The following SEPTIN9 variants were observed in gnomAD, a reference collection of about 807,000 sequenced individuals.
SEPTIN9 encodes the protein septin 9.
SEPTIN9 carries 13 observed loss-of-function variants against 56.6 expected under a neutral mutation model. That is an observed-to-expected ratio of 0.23 (90% CI 0.15 to 0.37). SEPTIN9 has a LOEUF of 0.37. Among genes scored for constraint, SEPTIN9 ranks in the 10% least tolerant of loss-of-function variants. SEPTIN9 has a pLI of 1.00. For synonymous variants in SEPTIN9, 332 were observed against 334.1 expected (o/e 0.99, Z 0.07); for missense variants, 650 against 823.1 (o/e 0.79, Z 2.57).
intron 11 of SEPTIN9, 87 bp from the exon 12 acceptor site, chr17:77,498,436 C>A: frequency 2.6e-6 from 2 of 782,110 alleles, no homozygotes; most frequent in Non-Finnish European, 4.2e-6. Flanking sequence ...GGGCCTGAGT[C>A]CGAGGCAGGC....
chr17:77,462,528 C>T (rs1368402842), intron 3 of SEPTIN9, among the ~76,000 whole-genome samples: 18 of 152,270 alleles, frequency 1.2e-4, no homozygotes, highest in Admixed American at 2.6e-4. Context: ...GAGCAATCCT[C>T]CTGCCTTGGC....
intron 2 of SEPTIN9, among the ~76,000 whole-genome samples, chr17:77,316,395 G>A (rs539905807): frequency 9.8e-5 from 15 of 152,334 alleles, no homozygotes; most frequent in African/African-American, 3.4e-4. Flanking sequence ...GGGCCAAAAT[G>A]TTTGGATTTT....
intron 3 of SEPTIN9, among the ~76,000 whole-genome samples, chr17:77,477,438 T>C (rs1473388023): frequency 6.6e-6 from 1 of 152,236 alleles, no homozygotes; most frequent in Non-Finnish European, 1.5e-5. Flanking sequence ...TTGGAATGTT[T>C]TCAGAGTTCA....
intron 1 of SEPTIN9, among the ~76,000 whole-genome samples, chr17:77,293,209 G>A (rs1406064661): frequency 6.6e-6 from 1 of 151,978 alleles, no homozygotes; most frequent in African/African-American, 2.4e-5. Context: ...TGTAGAGACA[G>A]GGTCTTGCTT....
At chr17:77,316,731 G>A (rs1234548006) in intron 2 of SEPTIN9, among the ~76,000 whole-genome samples, 4 of 151,018 alleles carry the variant, frequency 2.6e-5, no homozygotes, top group Non-Finnish European at 5.9e-5. Context: ...ATTTGAGACA[G>A]GGTCTCACTC....
chr17:77,489,805 G>A (rs746224066), intron 7 of SEPTIN9, among the ~76,000 whole-genome samples: 8 of 152,214 alleles, frequency 5.3e-5, no homozygotes, highest in Non-Finnish European at 1.0e-4. Context: ...AGGAGTCAGG[G>A]GCAGGGGGCC....
At chr17:77,348,884 A>C (rs1568006955) in intron 2 of SEPTIN9, among the ~76,000 whole-genome samples, 1 of 152,338 alleles carries the variant, frequency 6.6e-6, no homozygotes, top group East Asian at 1.9e-4. Flanking sequence ...AGAAATTAAA[A>C]GTAAAACAGA....
intron 2 of SEPTIN9, among the ~76,000 whole-genome samples, chr17:77,362,834 T>C (rs2034458628): frequency 6.6e-6 from 1 of 152,198 alleles, no homozygotes; most frequent in African/African-American, 2.4e-5. Flanking sequence ...TCCCTTCATC[T>C]GACGATCCCA....
rs1487494636 is a variant in SEPTIN9, at chr17:77,451,587, T to A, written c.722-30557T>A. 3.1e-6 allele frequency: 3 copies of A among 980,228 alleles called. No homozygotes were observed. In the African/African-American group the frequency reaches 5.3e-5, roughly 17 times the overall value. 60.7% of individuals were successfully genotyped at this position (980,228 alleles called of 1,614,324 possible). A position where few individuals can be genotyped will look rare whatever the true frequency, so the allele number is the denominator to read the frequency against. On this transcript the variant is annotated intron_variant, in intron 3 of 11. Transcript: ENST00000427177. This position sits in a 1 kb window ranked among gnomAD's most constrained non-coding sequence, Gnocchi z 4.2. Reference sequence around the variant, plus strand: ...CACCACTGGCTCGGGGGCTCTCAGGTGGCGCGGCCGCGAGGCGGACCCTGA... The same window carrying A: ...CACCACTGGCTCGGGGGCTCTCAGGAGGCGCGGCCGCGAGGCGGACCCTGA...
Position 77,499,561 on chromosome 17 carries a change from CG to C in SEPTIN9, c.*908del, listed in dbSNP as rs878964260. On this transcript the variant is annotated 3_prime_UTR_variant, in exon 12 of 12. Coordinates refer to ENST00000427177, the MANE Select transcript of SEPTIN9 (RefSeq NM_001113491.2). ...TGGAAGGTGCCAGAAGGAAGGTTGG[CG>C]GGGGCACGTGTGGGCCGTGGCTTGG... 2.2e-6 allele frequency: 1 copy of C among 453,694 alleles called. No individual in the cohort carries two copies. Among genetic ancestry groups the C allele is most frequent in the Non-Finnish European group, 4.2e-6 (1 of 235,698 alleles). 28.1% of individuals were successfully genotyped at this position (453,694 alleles called of 1,614,324 possible).
At chr17:77,496,646 C>T (rs1334421638) in intron 10 of SEPTIN9, among the ~76,000 whole-genome samples, 1 of 152,226 alleles carries the variant, frequency 6.6e-6, no homozygotes, top group Non-Finnish European at 1.5e-5. Context: ...TGCCCAGTCT[C>T]CCTGAGAAGT....
At chr17:77,281,847 G>C (rs752221044) in intron 1 of SEPTIN9, 249 of 443,246 alleles carry the variant, frequency 5.6e-4, no homozygotes, top group Middle Eastern at 2.9e-3. Context: ...TGACTTTCCA[G>C]GTCGGCCGGG....
chr17:77,445,344 C>T lies in SEPTIN9; in HGVS notation c.722-36800C>T, dbSNP rs2037697496. On this transcript the variant is annotated intron_variant, in intron 3 of 11. Coordinates refer to ENST00000427177, the MANE Select transcript of SEPTIN9 (RefSeq NM_001113491.2). This position sits in a 1 kb window ranked among gnomAD's most constrained non-coding sequence, Gnocchi z 4.7. ...ACAAAGGATAGGGAGGGATATTGCT[C>T]TTGGCATTTGATGGGAAGCATCTGC... 1 of 464,600 alleles carries T rather than the reference C, an allele frequency of 2.2e-6. No homozygotes were observed. 28.8% of individuals were successfully genotyped at this position (464,600 alleles called of 1,614,324 possible). A position where few individuals can be genotyped will look rare whatever the true frequency, so the allele number is the denominator to read the frequency against.
chr17:77,322,486 A>T (rs1298503665), intron 2 of SEPTIN9: 1 of 152,272 alleles, frequency 6.6e-6, no homozygotes, highest in Non-Finnish European at 1.5e-5. Context: ...CTTCCGAATG[A>T]ACACGACAGT....
chr17:77,414,364 C>T (rs929244182), intron 3 of SEPTIN9, among the ~76,000 whole-genome samples: 2 of 152,016 alleles, frequency 1.3e-5, no homozygotes, highest in African/African-American at 2.4e-5. Flanking sequence ...CATGAGTCAC[C>T]GCGTGGCCCA....
Position 77,487,543 on chromosome 17 carries a change from A to G in SEPTIN9, c.1033A>G (p.Ile345Val), listed in dbSNP as rs2039844779. Residue 345 changes from isoleucine to valine, a missense_variant, in exon 5 of 12, where the codon ATC becomes GTC. By Grantham distance (29) the Ile-to-Val change is conservative (BLOSUM62 3). Coordinates refer to ENST00000427177, the MANE Select transcript of SEPTIN9 (RefSeq NM_001113491.2). This position sits in a 1 kb window ranked among gnomAD's most constrained non-coding sequence, Gnocchi z 4.3. ...RIPKTIEIKS[I>V]THDIEEKGVR... is the part of the protein sequence containing the mutation. ...CCCCAAGACCATCGAGATCAAGTCC[A>G]TCACGCACGGTCAGTGGCCGGGAGT... The G allele has an allele frequency of 6.2e-7, 1 of 1,613,420 alleles. No homozygotes were observed. Among genetic ancestry groups the G allele is most frequent in the Non-Finnish European group, 8.5e-7 (1 of 1,179,830 alleles).
intron 3 of SEPTIN9, among the ~76,000 whole-genome samples, chr17:77,432,262 G>A (rs1293868195): frequency 6.6e-6 from 1 of 152,220 alleles, no homozygotes; most frequent in Non-Finnish European, 1.5e-5. Context: ...AAACAAAGGT[G>A]TTCATAGAGC....
intron 2 of SEPTIN9, among the ~76,000 whole-genome samples, chr17:77,324,981 GC>G (rs1268596026): frequency 6.6e-6 from 1 of 151,924 alleles, no homozygotes; most frequent in Non-Finnish European, 1.5e-5. Flanking sequence ...ACCACACCCA[GC>G]TAATTTTTGT....
intron 3 of SEPTIN9, among the ~76,000 whole-genome samples, chr17:77,439,525 G>A (rs980864046): frequency 1.3e-5 from 2 of 152,164 alleles, no homozygotes; most frequent in Non-Finnish European, 2.9e-5. Context: ...TCCCCACCTT[G>A]CCGCAGCTGC....
Sources: gnomAD v4.1 joint callset for allele counts (sites outside exome capture counted in the v4.1 genomes callset) on GRCh38, gnomAD v4.1.1 for gene constraint, Gnocchi (gnomAD v3.1) non-coding constraint, MANE v1.5 for transcripts, NCBI Gene and HGNC (gene_info 2026-07-23, HGNC 2026-07-21) for gene names.